LYPLAL1: variants seen among roughly 807,000 people sequenced by gnomAD.
LYPLAL1 encodes lysophospholipase-like protein 1.
LYPLAL1 carries 23 observed loss-of-function variants against 19.7 expected under a neutral mutation model. That is an observed-to-expected ratio of 1.17 (90% CI 0.84 to 1.65). The LOEUF (loss-of-function observed/expected upper bound fraction) is 1.65, where lower values mean the gene tolerates loss of function less well. Ranked by LOEUF, LYPLAL1 falls within the 40% of genes most tolerant of loss-of-function variation. The pLI is 0.00. For synonymous variants in LYPLAL1, 119 were observed against 96.3 expected, an observed-to-expected ratio of 1.24 and a Z score of -1.38; for missense variants, 355 against 279.4, an observed-to-expected ratio of 1.27 and a Z score of -1.93.
In LYPLAL1 at chr1:219,210,652, G is replaced by A; in HGVS notation, c.477+5G>A. The A allele has an allele frequency of 6.3e-7, 1 of 1,593,192 alleles. No individual in the cohort carries two copies. Among genetic ancestry groups the A allele is most frequent in the East Asian group, 2.2e-5 (1 of 44,648 alleles). On this transcript the variant is annotated splice_donor_5th_base_variant and intron_variant, in intron 4 of 4. Transcript: ENST00000366928. ...AAAGCATCTGCTGTTTACCAGGTAA[G>A]TTCCAGATTTAAAAAAAAATGAAAA... is the stretch of plus-strand genomic sequence containing the variant.
At chr1:219,303,446 GCTTGGGAAT>G in the LYPLAL1 span, among the ~76,000 whole-genome samples, 1 of 152,190 alleles carries the variant, frequency 6.6e-6, no homozygotes, top group African/African-American at 2.4e-5. Context: ...TGTGCCTGGG[GCTTGGGAAT>G]CCCCAAGACA....
chr1:219,186,010 G>C (rs2125045496), intron 2 of LYPLAL1, among the ~76,000 whole-genome samples: 1 of 151,932 alleles, frequency 6.6e-6, no homozygotes, highest in East Asian at 1.9e-4. Context: ...TGGGATGGAA[G>C]GTATTTTTCT....
At chr1:219,331,323 G>T in the LYPLAL1 span, among the ~76,000 whole-genome samples, 1 of 152,108 alleles carries the variant, frequency 6.6e-6, no homozygotes, top group Non-Finnish European at 1.5e-5. Flanking sequence ...CGCATAATAA[G>T]CCATTCCAAA....
At chr1:219,308,771 T>G in the LYPLAL1 span, among the ~76,000 whole-genome samples, 1 of 152,106 alleles carries the variant, frequency 6.6e-6, no homozygotes, top group African/African-American at 2.4e-5. Context: ...CAGGCAGAAG[T>G]TTGCTGCAGG....
chr1:219,326,423 C>T, the LYPLAL1 span, among the ~76,000 whole-genome samples: 2 of 152,080 alleles, frequency 1.3e-5, no homozygotes, highest in Non-Finnish European at 1.5e-5. Flanking sequence ...TAGTTTGTGC[C>T]TCCAGGAAGG....
the LYPLAL1 span, among the ~76,000 whole-genome samples, chr1:219,311,705 T>C: frequency 1.3e-5 from 2 of 152,158 alleles, no homozygotes; most frequent in African/African-American, 2.4e-5. Flanking sequence ...GCATCATGAT[T>C]ATACCACCAG....
chr1:219,406,533 C>CTT, the LYPLAL1 span, among the ~76,000 whole-genome samples: 1 of 152,132 alleles, frequency 6.6e-6, no homozygotes, highest in Non-Finnish European at 1.5e-5. Context: ...TTTACAGTTT[C>CTT]TTTTTACTTA....
intron 2 of LYPLAL1, among the ~76,000 whole-genome samples, chr1:219,186,634 C>G (rs1425599224): frequency 1.3e-5 from 2 of 151,702 alleles, no homozygotes; most frequent in East Asian, 3.9e-4. Context: ...CTCAGCTTCC[C>G]TATGCTTATT....
At chr1:219,444,778 C>G in the LYPLAL1 span, among the ~76,000 whole-genome samples, 1 of 152,274 alleles carries the variant, frequency 6.6e-6, no homozygotes, top group South Asian at 2.1e-4. Flanking sequence ...TTAAACTAAG[C>G]CCCTGGAGAT....
the LYPLAL1 span, among the ~76,000 whole-genome samples, chr1:219,383,379 T>C: frequency 6.6e-6 from 1 of 152,208 alleles, no homozygotes; most frequent in Non-Finnish European, 1.5e-5. Flanking sequence ...AAATGAGAAA[T>C]GTAGTGGCAT....
At chr1:219,264,352 A>T in the LYPLAL1 span, among the ~76,000 whole-genome samples, 2 of 151,740 alleles carry the variant, frequency 1.3e-5, no homozygotes, top group Non-Finnish European at 2.9e-5. Flanking sequence ...TCAGTTGAAA[A>T]TTTTTTTTTC....
the LYPLAL1 span, among the ~76,000 whole-genome samples, chr1:219,328,019 C>T: frequency 2.7e-3 from 413 of 152,144 alleles, 1 homozygote; most frequent in Non-Finnish European, 4.9e-3. Context: ...TCTTTCAAGA[C>T]GAGAATATTT....
chr1:219,257,084 G>A, the LYPLAL1 span, among the ~76,000 whole-genome samples: 4 of 151,808 alleles, frequency 2.6e-5, no homozygotes, highest in African/African-American at 9.7e-5. Flanking sequence ...GTCTTTTTCA[G>A]ATGTTCTGTA....
chr1:219,257,261 T>C, the LYPLAL1 span, among the ~76,000 whole-genome samples: 1 of 152,016 alleles, frequency 6.6e-6, no homozygotes, highest in South Asian at 2.1e-4. Flanking sequence ...TTATTGTATA[T>C]AGTATTCCTG....
At chr1:219,381,332 T>G in the LYPLAL1 span, among the ~76,000 whole-genome samples, 1 of 152,178 alleles carries the variant, frequency 6.6e-6, no homozygotes, top group Non-Finnish European at 1.5e-5. Context: ...GTGAGTCCAT[T>G]CAACCTTCTT....
chr1:219,355,403 A>G, the LYPLAL1 span, among the ~76,000 whole-genome samples: 1 of 152,258 alleles, frequency 6.6e-6, no homozygotes, highest in African/African-American at 2.4e-5. Context: ...AAAAGGGAAC[A>G]CTGAACAGAA....
chr1:219,307,023 C>CATATATATATATAT, the LYPLAL1 span, among the ~76,000 whole-genome samples: 92 of 119,454 alleles, frequency 7.7e-4, no homozygotes, highest in African/African-American at 2.6e-3. Context: ...TATACACATA[C>CATATATATATATAT]ATATATATAT....
At chr1:219,176,421 A>C (rs1168760617) in intron 1 of LYPLAL1, among the ~76,000 whole-genome samples, 2 of 152,214 alleles carry the variant, frequency 1.3e-5, no homozygotes, top group African/African-American at 2.4e-5. Flanking sequence ...AAGGCTCAGC[A>C]AGTTGACTGA....
chr1:219,335,498 G>C, the LYPLAL1 span, among the ~76,000 whole-genome samples: 1 of 151,424 alleles, frequency 6.6e-6, no homozygotes, highest in African/African-American at 2.4e-5. Flanking sequence ...GAATTTATAA[G>C]AAACATAAAG....
Sources: gnomAD v4.1 joint callset for allele counts (sites outside exome capture counted in the v4.1 genomes callset) on GRCh38, gnomAD v4.1.1 for gene constraint, MANE v1.5 for transcripts, NCBI Gene and HGNC (gene_info 2026-07-23, HGNC 2026-07-21) for gene names.